Variants in KHNYN observed in about 807,000 individuals in gnomAD.
KHNYN encodes the protein protein KHNYN.
A neutral mutation model predicts 62.7 loss-of-function variants in KHNYN; 42 were observed. That is an observed-to-expected ratio of 0.67 (90% confidence interval 0.52 to 0.87). KHNYN has a LOEUF of 0.87. Among genes scored for constraint, KHNYN ranks in the 40% least tolerant of loss-of-function variants. The probability of loss-of-function intolerance (pLI) is 0.00; values close to 1 mark genes in which losing one functional copy is unlikely to be tolerated. For missense variants in KHNYN, 829 were observed against 874.1 expected (o/e 0.95, Z 0.65); for synonymous variants, 347 against 345.6 (o/e 1.00, Z -0.04).
At chr14:24,434,454 G>A (rs958366935) in intron 5 of KHNYN, 6 of 784,970 alleles carry the variant, frequency 7.6e-6, no homozygotes, top group Non-Finnish European at 7.7e-6. Flanking sequence ...CGCCACGCTG[G>A]AGTGCAGTGG....
chr14:24,436,310 CTGG>C, intron 6 of KHNYN, 75 bp from the exon 7 acceptor site: 2 of 1,432,850 alleles, frequency 1.4e-6, no homozygotes. Context: ...CCAGCAGCTT[CTGG>C]TGATACTGGT....
Position 24,441,043 on chromosome 14 carries a change from CAG to C in KHNYN, c.*3761_*3762del. ...CCCTTAGGATCTCCCCATTTGGAGACAGAGCCATTTGGATATTTTCCCCTTGA... is the reference window on the plus strand; with the variant it reads ...CCCTTAGGATCTCCCCATTTGGAGACAGCCATTTGGATATTTTCCCCTTGA... On this transcript the variant is annotated 3_prime_UTR_variant, in exon 8 of 8. Transcript: ENST00000553935. 1 of 1,127,896 alleles carries C rather than the reference CAG, an allele frequency of 8.9e-7. No individual in the cohort carries two copies. The highest frequency in any genetic ancestry group is 1.3e-6 in the Non-Finnish European group (1 of 757,676). 69.9% of individuals were successfully genotyped at this position (1,127,896 alleles called of 1,614,324 possible). A position where few individuals can be genotyped will look rare whatever the true frequency, so the allele number is the denominator to read the frequency against.
chr14:24,429,217 C>A (rs2043060207), upstream of KHNYN: 2 of 722,102 alleles, frequency 2.8e-6, no homozygotes. Context: ...CTGCCTCCCA[C>A]TCTTACTCCT....
In KHNYN at chr14:24,437,237, C is replaced by T. The variant is rs770114471; in HGVS notation, c.1989C>T (p.Cys663=). 2 of 1,614,170 alleles carry T rather than the reference C, an allele frequency of 1.2e-6. No individual in the cohort carries two copies. Among genetic ancestry groups the T allele is most frequent in the Admixed American group, 1.7e-5 (1 of 60,020 alleles). ...VDFILQREPY[C]RDINQLSEAL... ...TCATCCTGCAGCGGGAGCCATACTG[C>T]CGGGACATCAACCAACTGTCTGAGG... The change falls in exon 8 of 8, where the codon TGC becomes TGT. Residue 663 remains cysteine (C), a synonymous_variant. Coordinates refer to ENST00000553935, the MANE Select transcript of KHNYN (RefSeq NM_015299.3). This position sits in a 1 kb window ranked among gnomAD's most constrained non-coding sequence, Gnocchi z 5.5.
At position 24,437,444 on chromosome 14, in the gene KHNYN, C is replaced by T. The variant is rs904721848; in HGVS notation, c.*159C>T. On this transcript the variant is annotated 3_prime_UTR_variant, in exon 8 of 8. Transcript: ENST00000553935. This position sits in a 1 kb window ranked among gnomAD's most constrained non-coding sequence, Gnocchi z 5.5. ...CTTTGGGACAGGTCCATAAAGTGAACTGATCTTACCGAGTCAGGACCTCAG... is the reference window on the plus strand; with the variant it reads ...CTTTGGGACAGGTCCATAAAGTGAATTGATCTTACCGAGTCAGGACCTCAG... The T allele has an allele frequency of 1.3e-6, 1 of 787,042 alleles. No homozygotes were observed. The highest frequency in any genetic ancestry group is 1.8e-5 in the African/African-American group (1 of 56,890). 48.8% of individuals were successfully genotyped at this position (787,042 alleles called of 1,614,324 possible). A position where few individuals can be genotyped will look rare whatever the true frequency, so the allele number is the denominator to read the frequency against.
Position 24,432,914 on chromosome 14 carries a change from C to G in KHNYN, c.1481-22C>G. 1 of 1,614,006 alleles carries G rather than the reference C, an allele frequency of 6.2e-7. No homozygotes were observed. The highest frequency in any genetic ancestry group is 1.1e-5 in the South Asian group (1 of 91,066). On this transcript the variant is annotated intron_variant, in intron 4 of 7. Coordinates refer to ENST00000553935, the MANE Select transcript of KHNYN (RefSeq NM_015299.3). The surrounding 1 kb of genome is among the most constrained non-coding windows in gnomAD (Gnocchi z 5.6). ...CTCTGTTTCCACTTTGAGGAGAACCCTATTATGTTCTTTTTCAATAGAGAG... is the reference window on the plus strand; with the variant it reads ...CTCTGTTTCCACTTTGAGGAGAACCGTATTATGTTCTTTTTCAATAGAGAG...
rs1406400186 is a variant in KHNYN at position 24,437,390 on chromosome 14, T to C, written c.*105T>C. ...TGCTCACTCTGATCCAGAGGCACCC[T>C]GAGTTGGTGCTTTGGATCAGGGAAG... On this transcript the variant is annotated 3_prime_UTR_variant, in exon 8 of 8. Transcript: ENST00000553935. The surrounding 1 kb of genome is among the most constrained non-coding windows in gnomAD (Gnocchi z 5.5). 2.1e-6 allele frequency: 3 copies of C among 1,398,390 alleles called. No homozygotes were observed. Among genetic ancestry groups the C allele is most frequent in the Non-Finnish European group, 2.9e-6 (3 of 1,036,994 alleles). 86.6% of individuals were successfully genotyped at this position (1,398,390 alleles called of 1,614,324 possible).
chr14:24,431,838 CTG>C lies in KHNYN; in HGVS notation c.578_579del (p.Leu193ArgfsTer6). 6.2e-7 allele frequency: 1 copy of C among 1,614,044 alleles called. No homozygotes were observed. The highest frequency in any genetic ancestry group is 8.5e-7 in the Non-Finnish European group (1 of 1,180,034). On this transcript the variant is annotated frameshift_variant, in exon 3 of 8. Coordinates refer to ENST00000553935, the MANE Select transcript of KHNYN (RefSeq NM_015299.3). LOFTEE classifies it high-confidence loss of function. The stretch of plus-strand genomic sequence containing the variant: ...GGCTGTCCAGGAGGAGCTGCTGAGT[CTG>C]GTGCAGGAGGCGTCTAGTGGGCAGG... ...PLAVQEELLS[L>X]VQEASSGQGP...
upstream of KHNYN, chr14:24,427,698 GTC>G: frequency 8.4e-7 from 1 of 1,186,648 alleles, no homozygotes; most frequent in Non-Finnish European, 1.2e-6. This position sits in a 1 kb window ranked among gnomAD's most constrained non-coding sequence, Gnocchi z 4.4. Context: ...GCCAGAGGGA[GTC>G]TCTCTCCTGC....
In KHNYN at chr14:24,436,391, G is replaced by A; in HGVS notation, c.1689G>A (p.Leu563=). ...CACATTATCTTTCGCCATCCAGCCT[G>A]CTGCCCTTTACCTTTGTGGGAAACC... ...EKWMAIIRER[L]LPFTFVGNLF... The change falls in exon 7 of 8, where the codon CTG becomes CTA. Residue 563 remains leucine, a synonymous_variant. Coordinates refer to ENST00000553935, the MANE Select transcript of KHNYN (RefSeq NM_015299.3). 1 of 1,613,952 alleles carries A rather than the reference G, an allele frequency of 6.2e-7. No homozygotes were observed. Among genetic ancestry groups the A allele is most frequent in the Non-Finnish European group, 8.5e-7 (1 of 1,179,874 alleles).
chr14:24,436,319 C>G, intron 6 of KHNYN, 69 bp from the exon 7 acceptor site: 2 of 1,456,282 alleles, frequency 1.4e-6, no homozygotes, highest in Non-Finnish European at 1.9e-6. Context: ...TCTGGTGATA[C>G]TGGTCTCGGT....
At position 24,441,064 on chromosome 14, in the gene KHNYN, C is replaced by G; in HGVS notation, c.*3779C>G. 1.0e-6 allele frequency: 1 copy of G among 955,338 alleles called. No individual in the cohort carries two copies. Among genetic ancestry groups the G allele is most frequent in the African/African-American group, 1.6e-5 (1 of 61,756 alleles). The allele number at this position is 955,338 out of a possible 1,614,324, so 59.2% of individuals were successfully genotyped here. A position where few individuals can be genotyped will look rare whatever the true frequency, so the allele number is the denominator to read the frequency against. On this transcript the variant is annotated 3_prime_UTR_variant, in exon 8 of 8. Transcript: ENST00000553935. ...GAGACAGAGCCATTTGGATATTTTC[C>G]CCTTGAACTTCTCCATGACCTGAAG...
At position 24,432,878 on chromosome 14, in the gene KHNYN, C is replaced by T. The variant is rs759321963; in HGVS notation, c.1480+26C>T. On this transcript the variant is annotated intron_variant, in intron 4 of 7. Transcript: ENST00000553935. This position sits in a 1 kb window ranked among gnomAD's most constrained non-coding sequence, Gnocchi z 5.6. ...GTGAGTTGGGCCTGGTCTTCAGTGT[C>T]CCAGGATAGGCTCTGTTTCCACTTT... The T allele has an allele frequency of 3.1e-6, 5 of 1,614,066 alleles. No homozygotes were observed. The African/African-American group carries it at 5.3e-5, about 17-fold the overall frequency.
At chr14:24,425,590 T>C (rs2043012416), upstream of KHNYN, among the ~76,000 whole-genome samples, 2 of 152,204 alleles carry the variant, frequency 1.3e-5, no homozygotes, top group South Asian at 4.1e-4. Context: ...GACTCTTATT[T>C]ACAGATTTTT....
chr14:24,424,339 T>G (rs1311018595), upstream of KHNYN, among the ~76,000 whole-genome samples: 3 of 152,224 alleles, frequency 2.0e-5, no homozygotes, highest in African/African-American at 7.2e-5. Context: ...CTGGTATTTA[T>G]CTTGTATATA....
Position 24,441,797 on chromosome 14 carries a change from T to A in KHNYN, c.*4512T>A. 1 of 1,605,714 alleles carries A rather than the reference T, an allele frequency of 6.2e-7. No homozygotes were observed. On this transcript the variant is annotated 3_prime_UTR_variant, in exon 8 of 8. Coordinates refer to ENST00000553935, the MANE Select transcript of KHNYN (RefSeq NM_015299.3). ...TCTTTTTGGAAGGTTTCATTCCATCTGCAGGAGAAACATGGGAAATAAAAA... is the reference window on the plus strand; with the variant it reads ...TCTTTTTGGAAGGTTTCATTCCATCAGCAGGAGAAACATGGGAAATAAAAA...
Position 24,436,058 on chromosome 14 carries a change from G to A in KHNYN, c.1578-14G>A. 6 of 1,607,288 alleles carry A rather than the reference G, an allele frequency of 3.7e-6. No homozygotes were observed. The highest frequency in any genetic ancestry group is 5.1e-6 in the Non-Finnish European group (6 of 1,173,806). On this transcript the variant is annotated splice_polypyrimidine_tract_variant and intron_variant, in intron 5 of 7. Coordinates refer to ENST00000553935, the MANE Select transcript of KHNYN (RefSeq NM_015299.3). ...TTTTCAACCCTCTCTCGGTTGCTGT[G>A]GTTTTGGAGACAGGTTCATGGTGAA...
In KHNYN at chr14:24,437,309, C is replaced by T. The variant is rs3742521; in HGVS notation, c.*24C>T. On this transcript the variant is annotated 3_prime_UTR_variant, in exon 8 of 8. Coordinates refer to ENST00000553935, the MANE Select transcript of KHNYN (RefSeq NM_015299.3). This position sits in a 1 kb window ranked among gnomAD's most constrained non-coding sequence, Gnocchi z 5.5. ...GAGCCTCACCTGCTTGAGTGGCTGC[C>T]GCCCTGTCAGCTCCAGCCGCCTCCA... is the stretch of plus-strand genomic sequence containing the variant. 0.062 allele frequency: 99,685 copies of T among 1,595,916 alleles called. 7,037 individuals carry two copies. The highest frequency in any genetic ancestry group is 0.35 in the African/African-American group (26,319 of 74,548).
chr14:24,425,154 T>TTGCA (rs1298755435), upstream of KHNYN, among the ~76,000 whole-genome samples: 1 of 152,038 alleles, frequency 6.6e-6, no homozygotes, highest in East Asian at 1.9e-4. Context: ...TGAGCTGAAA[T>TTGCA]TGCACCACTG....
Sources: gnomAD v4.1 joint callset for allele counts (sites outside exome capture counted in the v4.1 genomes callset) on GRCh38, gnomAD v4.1.1 for gene constraint, Gnocchi (gnomAD v3.1) non-coding constraint, MANE v1.5 for transcripts, NCBI Gene and HGNC (gene_info 2026-07-23, HGNC 2026-07-21) for gene names.